The following BRINP3 variants were observed in gnomAD, a reference collection of about 807,000 sequenced individuals.
The protein encoded by BRINP3 is BMP/retinoic acid-inducible neural-specific protein 3.
Under a neutral mutation model 71.0 loss-of-function variants are expected in BRINP3, and 19 were observed. The observed-to-expected ratio is 0.27, with a 90% CI of 0.19 to 0.39. The LOEUF (loss-of-function observed/expected upper bound fraction) is 0.39, where lower values mean the gene tolerates loss of function less well. Ranked by LOEUF, BRINP3 falls within the 10% of genes least tolerant of loss-of-function variation. The pLI, the probability that BRINP3 is intolerant of heterozygous loss-of-function variation, is 1.00. For synonymous variants in BRINP3, 380 were observed against 337.7 expected (o/e 1.13, Z -1.37); for missense variants, 959 against 940.8 (o/e 1.02, Z -0.25).
At chr1:190,320,933 T>TTTGTATATATGTATATATG (rs1240788828) in intron 2 of BRINP3, among the ~76,000 whole-genome samples, 5 of 152,072 alleles carry the variant, frequency 3.3e-5, no homozygotes, top group Non-Finnish European at 5.9e-5. Context: ...TGTGTGTGTG[T>TTTGTATATATGTATATATG]TTGTATATAT....
chr1:190,468,672 T>G (rs1676927604), intron 1 of BRINP3, among the ~76,000 whole-genome samples: 1 of 151,194 alleles, frequency 6.6e-6, no homozygotes, highest in Non-Finnish European at 1.5e-5. Context: ...TAATCTGACT[T>G]TGATATAAAA....
intron 7 of BRINP3, among the ~76,000 whole-genome samples, chr1:190,134,120 G>T (rs529912183): frequency 1.3e-5 from 2 of 152,092 alleles, no homozygotes; most frequent in South Asian, 2.1e-4. Flanking sequence ...GTTAAGTGCT[G>T]TGAAATGATT....
chr1:190,116,024 A>G (rs181839719), intron 7 of BRINP3, among the ~76,000 whole-genome samples: 84 of 152,210 alleles, frequency 5.5e-4, no homozygotes, highest in Non-Finnish European at 1.0e-3. Flanking sequence ...TTTTTATTCC[A>G]TATCACTTAC....
At chr1:190,295,079 C>T (rs1664149599) in intron 2 of BRINP3, among the ~76,000 whole-genome samples, 1 of 152,056 alleles carries the variant, frequency 6.6e-6, no homozygotes. Context: ...CACCCAAAGC[C>T]TCTTTGACCA....
At chr1:190,323,537 C>T (rs573200405) in intron 2 of BRINP3, among the ~76,000 whole-genome samples, 107 of 151,364 alleles carry the variant, frequency 7.1e-4, no homozygotes, top group South Asian at 1.5e-3. Context: ...TGAGAGTTAT[C>T]CATCGGAACG....
chr1:190,429,244 A>G (rs1279500857), intron 2 of BRINP3, among the ~76,000 whole-genome samples: 1 of 152,196 alleles, frequency 6.6e-6, no homozygotes, highest in Non-Finnish European at 1.5e-5. Context: ...GCCTGTGGAC[A>G]AAGGCATATG....
intron 2 of BRINP3, among the ~76,000 whole-genome samples, chr1:190,307,645 T>C (rs1488855750): frequency 2.0e-5 from 3 of 151,940 alleles, no homozygotes; most frequent in Non-Finnish European, 4.4e-5. Flanking sequence ...TGCTTTTTAA[T>C]TTTTTTCAAA....
At chr1:190,230,181 G>C (rs886067638) in intron 5 of BRINP3, among the ~76,000 whole-genome samples, 1 of 151,784 alleles carries the variant, frequency 6.6e-6, no homozygotes, top group African/African-American at 2.4e-5. Context: ...TGTTATGATG[G>C]AAAGGCCTAA....
intron 6 of BRINP3, among the ~76,000 whole-genome samples, chr1:190,221,389 G>A (rs1656879646): frequency 6.6e-6 from 1 of 152,054 alleles, no homozygotes; most frequent in Admixed American, 6.6e-5. Context: ...ATATCTATAA[G>A]ATGATTTTTG....
chr1:190,468,319 T>A (rs1331318193), intron 1 of BRINP3, among the ~76,000 whole-genome samples: 1 of 151,338 alleles, frequency 6.6e-6, no homozygotes, highest in Admixed American at 6.6e-5. Context: ...GAGCTGCTGA[T>A]TCTTACTTGA....
chr1:190,435,507 A>T (rs536610174), intron 2 of BRINP3, among the ~76,000 whole-genome samples: 1 of 152,174 alleles, frequency 6.6e-6, no homozygotes, highest in African/African-American at 2.4e-5. Context: ...AAATTAGGAA[A>T]ATATTATTAT....
chr1:190,240,087 A>C (rs931025391), intron 4 of BRINP3, among the ~76,000 whole-genome samples: 12 of 151,730 alleles, frequency 7.9e-5, no homozygotes, highest in African/African-American at 2.7e-4. Flanking sequence ...TAGACTAGGA[A>C]CTAACTTGAC....
At chr1:190,424,844 C>G (rs538915866) in intron 2 of BRINP3, among the ~76,000 whole-genome samples, 2 of 151,462 alleles carry the variant, frequency 1.3e-5, no homozygotes, top group Non-Finnish European at 3.0e-5. Context: ...TCCTTTCTAA[C>G]AGAAGGAAAT....
intron 2 of BRINP3, among the ~76,000 whole-genome samples, chr1:190,300,809 A>C (rs1420933979): frequency 6.6e-6 from 1 of 152,130 alleles, no homozygotes; most frequent in Non-Finnish European, 1.5e-5. Context: ...AAAGTAGATA[A>C]AACCACAAAG....
intron 2 of BRINP3, among the ~76,000 whole-genome samples, chr1:190,367,076 C>T (rs1174246684): frequency 2.6e-5 from 4 of 152,158 alleles, no homozygotes; most frequent in African/African-American, 9.7e-5. Context: ...CTGGGTAGTG[C>T]CCCAGTGTGG....
At chr1:190,108,565 C>T (rs2102272172) in intron 7 of BRINP3, among the ~76,000 whole-genome samples, 1 of 150,176 alleles carries the variant, frequency 6.7e-6, no homozygotes, top group Middle Eastern at 3.4e-3. Context: ...AAAATAAAAT[C>T]AGAATGTATA....
rs148073855 is a variant in BRINP3 at position 190,360,588 on chromosome 1, C to A, written c.237-78838G>T. 6.6e-3 allele frequency among the ~76,000 whole-genome samples: 1,001 copies of A among 152,220 alleles called. 5 individuals are homozygous for A. The highest frequency in any genetic ancestry group is 0.021 in the African/African-American group (889 of 41,552). On this transcript the variant is annotated intron_variant, in intron 2 of 7. Coordinates refer to ENST00000367462, the MANE Select transcript of BRINP3 (RefSeq NM_199051.3). ...AATTGCCTTTTGAAATTATGAATTTCTCAAATAATCATATTTTGCCCATGT... is the reference window on the plus strand; with the variant it reads ...AATTGCCTTTTGAAATTATGAATTTATCAAATAATCATATTTTGCCCATGT...
At chr1:190,270,952 AT>A (rs959480650) in intron 3 of BRINP3, among the ~76,000 whole-genome samples, 26 of 151,702 alleles carry the variant, frequency 1.7e-4, no homozygotes, top group African/African-American at 6.3e-4. Flanking sequence ...TATATCAAAT[AT>A]TTTCTTCAAT....
chr1:190,256,114 T>A (rs1660637628), intron 4 of BRINP3, among the ~76,000 whole-genome samples: 1 of 152,224 alleles, frequency 6.6e-6, no homozygotes, highest in Non-Finnish European at 1.5e-5. Flanking sequence ...CTAATTTGAT[T>A]GCACTGTGGT....
Sources: allele counts gnomAD v4.1 joint callset (sites outside exome capture counted in the v4.1 genomes callset), GRCh38; gene constraint gnomAD v4.1.1; transcripts MANE v1.5; gene names NCBI Gene and HGNC (gene_info 2026-07-23, HGNC 2026-07-21).